The following VPS13D variants were observed in gnomAD, a reference collection of about 807,000 sequenced individuals.
The protein encoded by VPS13D is vacuolar protein sorting 13 homolog D, also known as intermembrane lipid transfer protein VPS13D.
Under a neutral mutation model 461.9 loss-of-function variants are expected in VPS13D, and 187 were observed. That is an observed-to-expected ratio of 0.40 (90% CI 0.36 to 0.46). VPS13D has a LOEUF of 0.46. VPS13D is among the 20% of genes least tolerant of loss of function. VPS13D has a pLI of 0.60. For synonymous variants in VPS13D, 1,951 were observed against 1,986.3 expected (o/e 0.98, Z 0.47); for missense variants, 4,711 against 5,364.9 (o/e 0.88, Z 3.81).
chr1:12,493,958 A>G (rs539920638), intron 67 of VPS13D, among the ~76,000 whole-genome samples: 2 of 151,924 alleles, frequency 1.3e-5, no homozygotes, highest in Admixed American at 1.3e-4. Flanking sequence ...GAGTGGGGGG[A>G]AAATTCCTTT....
At chr1:12,288,457 G>A in intron 22 of VPS13D, 144 bp downstream of exon 22, 2 of 707,240 alleles carry the variant, frequency 2.8e-6, no homozygotes, top group Non-Finnish European at 4.9e-6. Flanking sequence ...AGGATTCATG[G>A]TGGTGGTTCC....
At chr1:12,232,291 T>C (rs775134509) in intron 1 of VPS13D, among the ~76,000 whole-genome samples, 4 of 152,222 alleles carry the variant, frequency 2.6e-5, no homozygotes, top group African/African-American at 4.8e-5. Flanking sequence ...AAGCCAGTTT[T>C]TCCAGGAGAT....
chr1:12,268,737 G>A lies in VPS13D; in HGVS notation c.1833G>A (p.Met611Ile), dbSNP rs1179302769. 1.5e-5 allele frequency: 24 copies of A among 1,613,440 alleles called. No homozygotes were observed. Among genetic ancestry groups the A allele is most frequent in the South Asian group, 1.4e-4 (13 of 90,956 alleles). Residue 611 changes from methionine (M) to isoleucine (I), a missense_variant, in exon 16 of 70, where the codon ATG becomes ATA. Physicochemically the swap from Met to Ile is conservative, Grantham distance 10. This residue lies in a region of VPS13D where 4,411 missense variants were observed against 4,937.8 expected (regional missense o/e 0.89). Transcript: ENST00000620676. ...ATCCAGATGGCCCCGTTTTTGAGAT[G>A]CTGTATGAGAGAAATCCGGCGCACA... ...AADPDGPVFE[M>I]LYERNPAHSH...
chr1:12,465,223 T>G (rs1645466716), intron 67 of VPS13D: 1 of 152,228 alleles, frequency 6.6e-6, no homozygotes, highest in Non-Finnish European at 1.5e-5. Context: ...TACCATCTGT[T>G]GCAGACTGGG....
At chr1:12,387,445 T>G (rs1570066691) in intron 60 of VPS13D, among the ~76,000 whole-genome samples, 1 of 152,254 alleles carries the variant, frequency 6.6e-6, no homozygotes, top group Non-Finnish European at 1.5e-5. Flanking sequence ...TTCTATATAA[T>G]GAGGAGACTA....
chr1:12,274,230 G>T (rs1270649971), intron 18 of VPS13D, among the ~76,000 whole-genome samples: 2 of 152,176 alleles, frequency 1.3e-5, no homozygotes, highest in Non-Finnish European at 2.9e-5. Flanking sequence ...TAGTAGGGAT[G>T]GGGTTTCTCC....
At chr1:12,232,761 GTAA>G (rs926735965) in intron 1 of VPS13D, among the ~76,000 whole-genome samples, 1 of 143,298 alleles carries the variant, frequency 7.0e-6, no homozygotes, top group Non-Finnish European at 1.5e-5. Context: ...TTTGGGGTTT[GTAA>G]TAATCGACTA....
intron 45 of VPS13D, 36 bp from the exon 46 acceptor site, chr1:12,349,128 A>G (rs1374617326): frequency 6.2e-7 from 1 of 1,612,554 alleles, no homozygotes; most frequent in African/African-American, 1.3e-5. Context: ...GTGGAGGACC[A>G]TTGCCTGAAA....
chr1:12,347,245 A>G (rs552877274), intron 44 of VPS13D, among the ~76,000 whole-genome samples: 1 of 151,838 alleles, frequency 6.6e-6, no homozygotes, highest in Admixed American at 6.5e-5. Context: ...GTCTCAGCTC[A>G]CTGCAACATC....
intron 67 of VPS13D, among the ~76,000 whole-genome samples, chr1:12,468,646 CCTT>C (rs1165655977): frequency 2.0e-5 from 3 of 152,190 alleles, no homozygotes; most frequent in Admixed American, 6.5e-5. Context: ...TTGCCAGTCT[CCTT>C]CTCAAAGACA....
At position 12,319,729 on chromosome 1, in the gene VPS13D, A is replaced by G. The variant is rs149842587; in HGVS notation, c.7548+99A>G. 91 of 1,541,746 alleles carry G rather than the reference A, an allele frequency of 5.9e-5. 1 individual carries two copies. The Admixed American group carries it at 1.3e-3, about 22-fold the overall frequency. On this transcript the variant is annotated intron_variant, in intron 32 of 69. Transcript: ENST00000620676. ...TCTTAAACTTTCATGAGGGGAAGGA[A>G]TTAATGAAATTGGAAGACCCTTGCC... is the stretch of plus-strand genomic sequence containing the variant.
chr1:12,425,663 T>C (rs1197372777), intron 65 of VPS13D, among the ~76,000 whole-genome samples: 2 of 150,696 alleles, frequency 1.3e-5, no homozygotes, highest in Non-Finnish European at 2.9e-5. Context: ...TGCTCTCTCA[T>C]GTAACTTTCA....
intron 66 of VPS13D, among the ~76,000 whole-genome samples, chr1:12,457,628 G>A (rs1645347359): frequency 6.6e-6 from 1 of 152,188 alleles, no homozygotes. Context: ...TTAATTATCT[G>A]CATTTGGAAG....
At chr1:12,358,358 T>A in intron 49 of VPS13D, 101 bp from the exon 50 acceptor site, 1 of 1,465,096 alleles carries the variant, frequency 6.8e-7, no homozygotes, top group Non-Finnish European at 9.2e-7. Context: ...GTGGTAGAGA[T>A]GGAACTTGGG....
intron 54 of VPS13D, among the ~76,000 whole-genome samples, chr1:12,371,098 A>C (rs1267091966): frequency 6.6e-6 from 1 of 152,200 alleles, no homozygotes; most frequent in Non-Finnish European, 1.5e-5. Context: ...TAAAGTGAAC[A>C]GTTCAGTGGC....
chr1:12,477,512 G>A (rs1645648208), intron 67 of VPS13D, among the ~76,000 whole-genome samples: 1 of 152,160 alleles, frequency 6.6e-6, no homozygotes, highest in Non-Finnish European at 1.5e-5. Flanking sequence ...AGTTGTAAAT[G>A]TGCCACTCTA....
chr1:12,360,048 C>G (rs1361269519), intron 50 of VPS13D, among the ~76,000 whole-genome samples: 1 of 152,162 alleles, frequency 6.6e-6, no homozygotes, highest in Non-Finnish European at 1.5e-5. Context: ...AGAATTCTTG[C>G]AGAGGCCAGT....
chr1:12,445,122 T>G (rs982973273), intron 65 of VPS13D, among the ~76,000 whole-genome samples: 2 of 152,200 alleles, frequency 1.3e-5, no homozygotes, highest in African/African-American at 4.8e-5. Context: ...ACAGTGTGTG[T>G]GAGGTAGAAA....
intron 57 of VPS13D, among the ~76,000 whole-genome samples, chr1:12,381,922 T>TTTTCTTTTCTTTC (rs71570104): frequency 0.044 from 4,446 of 101,100 alleles, 208 homozygotes; most frequent in Non-Finnish European, 0.066. Flanking sequence ...CTTTCTTTTC[T>TTTTCTTTTCTTTC]TTTCTTTCTT....
Sources: allele counts gnomAD v4.1 joint callset (sites outside exome capture counted in the v4.1 genomes callset), GRCh38; gene constraint gnomAD v4.1.1; regional missense constraint gnomAD v4.1.1; transcripts MANE v1.5; gene names NCBI Gene and HGNC (gene_info 2026-07-23, HGNC 2026-07-21).